Variants in FGGY observed in about 807,000 individuals in gnomAD.
FGGY encodes the protein FGGY carbohydrate kinase domain-containing protein.
In FGGY, 72 loss-of-function variants were observed where a neutral mutation model predicts 71.3. The observed-to-expected ratio is 1.01, with a 90% CI of 0.84 to 1.23. The LOEUF is 1.23. Among genes scored for constraint, FGGY ranks in the 50% most tolerant of loss-of-function variants. The probability of loss-of-function intolerance (pLI) is 0.00; values close to 1 mark genes in which losing one functional copy is unlikely to be tolerated. For synonymous variants in FGGY, 251 were observed against 250.3 expected (o/e 1.00, Z -0.02); for missense variants, 668 against 682.3 (o/e 0.98, Z 0.23).
At chr1:59,639,284 T>G (rs2096994092) in intron 11 of FGGY, among the ~76,000 whole-genome samples, 1 of 152,188 alleles carries the variant, frequency 6.6e-6, no homozygotes, top group African/African-American at 2.4e-5. Flanking sequence ...TTAGTTTTAT[T>G]GAGATTGTTT....
chr1:59,602,231 T>C (rs924438102), intron 8 of FGGY, among the ~76,000 whole-genome samples: 2 of 152,218 alleles, frequency 1.3e-5, no homozygotes, highest in East Asian at 1.9e-4. Flanking sequence ...GCCCTCCTCT[T>C]CTATTTACTA....
chr1:59,479,789 G>A lies in FGGY; in HGVS notation c.670+22713G>A, dbSNP rs182867540. Among the ~76,000 whole-genome samples, 553 of 152,240 alleles carry A rather than the reference G, an allele frequency of 3.6e-3. 4 individuals are homozygous for A. Among genetic ancestry groups the A allele is most frequent in the African/African-American group, 0.012 (514 of 41,546 alleles). On this transcript the variant is annotated intron_variant, in intron 6 of 15. Transcript: ENST00000303721. ...GTACACAGAACCCTGCTTAGGGGTC[G>A]CCATGAATTTATTATAAATCTGCCC...
chr1:59,756,466 G>A (rs2098292461), intron 14 of FGGY, among the ~76,000 whole-genome samples: 1 of 152,222 alleles, frequency 6.6e-6, no homozygotes, highest in African/African-American at 2.4e-5. Flanking sequence ...AATAACTACT[G>A]AAAGAAGTTT....
At chr1:59,460,991 A>G (rs1348005345) in intron 6 of FGGY, among the ~76,000 whole-genome samples, 2 of 152,216 alleles carry the variant, frequency 1.3e-5, no homozygotes, top group African/African-American at 2.4e-5. Flanking sequence ...TGAAAATTCT[A>G]AAAACCAGAG....
chr1:59,753,467 AATATAT>A (rs57074120), intron 14 of FGGY, among the ~76,000 whole-genome samples: 1,216 of 47,706 alleles, frequency 0.025, 12 homozygotes, highest in East Asian at 0.065. Flanking sequence ...CATAACTTTA[AATATAT>A]ATATATATAT....
rs536374650 is a variant in FGGY, at chr1:59,562,159, T to C, written c.903+7932T>C. ...CCACTCTTACAAAAGCATGTATTCA[T>C]ACAAAAATTTGTACAGTAATGTTCA... On this transcript the variant is annotated intron_variant, in intron 8 of 15. Transcript: ENST00000303721. Among the ~76,000 whole-genome samples the C allele has an allele frequency of 4.6e-5, 7 of 152,316 alleles. No homozygotes were observed. In the South Asian group the frequency reaches 1.0e-3, roughly 23 times the overall value.
chr1:59,411,804 A>G (rs939683645), intron 5 of FGGY, among the ~76,000 whole-genome samples: 4 of 152,012 alleles, frequency 2.6e-5, no homozygotes, highest in African/African-American at 7.3e-5. Context: ...TAGCTTTTCT[A>G]TCTTTCTGAC....
chr1:59,755,260 C>T (rs968823928), intron 14 of FGGY: 1 of 152,194 alleles, frequency 6.6e-6, no homozygotes, highest in Non-Finnish European at 1.5e-5. Flanking sequence ...TCCATTTTAA[C>T]ATTCCGTCAC....
intron 14 of FGGY, among the ~76,000 whole-genome samples, chr1:59,701,685 C>T (rs1458255629): frequency 2.0e-5 from 3 of 151,830 alleles, no homozygotes; most frequent in East Asian, 1.9e-4. Flanking sequence ...TAAATAAAGG[C>T]GAGTATATGT....
At chr1:59,543,369 A>C (rs2153690533) in intron 7 of FGGY, among the ~76,000 whole-genome samples, 1 of 151,770 alleles carries the variant, frequency 6.6e-6, no homozygotes, top group South Asian at 2.1e-4. Flanking sequence ...CGAGGGATAG[A>C]ATCAACATCC....
intron 5 of FGGY, among the ~76,000 whole-genome samples, chr1:59,456,637 G>C (rs533510167): frequency 1.3e-5 from 2 of 151,986 alleles, no homozygotes; most frequent in South Asian, 4.1e-4. Context: ...TAGTAGAGAC[G>C]GGGTTTGACC....
intron 4 of FGGY, among the ~76,000 whole-genome samples, chr1:59,355,341 A>G (rs2054107303): frequency 6.6e-6 from 1 of 152,214 alleles, no homozygotes; most frequent in Admixed American, 6.5e-5. Flanking sequence ...TTATAAATAC[A>G]TTTGTTTAAA....
At chr1:59,472,719 G>C (rs2093026757) in intron 6 of FGGY, among the ~76,000 whole-genome samples, 2 of 152,120 alleles carry the variant, frequency 1.3e-5, no homozygotes, top group African/African-American at 4.8e-5. Flanking sequence ...TACTCTGGTG[G>C]GGACTTGGAG....
intron 6 of FGGY, among the ~76,000 whole-genome samples, chr1:59,457,563 GA>G (rs1228002786): frequency 6.6e-6 from 1 of 152,046 alleles, no homozygotes; most frequent in Non-Finnish European, 1.5e-5. Context: ...GCAGTGAGCT[GA>G]GATCGTGCCA....
chr1:59,382,640 A>G (rs1208018697), intron 5 of FGGY, among the ~76,000 whole-genome samples: 1 of 152,160 alleles, frequency 6.6e-6, no homozygotes, highest in Non-Finnish European at 1.5e-5. Flanking sequence ...ATCTTTCTCT[A>G]GGTTTTTTCA....
chr1:59,355,775 C>T (rs2054200973), intron 4 of FGGY, among the ~76,000 whole-genome samples: 1 of 152,014 alleles, frequency 6.6e-6, no homozygotes. Flanking sequence ...TCCAGTCTGC[C>T]TCCAGCTCCT....
intron 14 of FGGY, among the ~76,000 whole-genome samples, chr1:59,734,355 G>A (rs373056211): frequency 2.7e-4 from 41 of 152,118 alleles, no homozygotes; most frequent in South Asian, 6.2e-4. Flanking sequence ...GGCGTGCACC[G>A]CCACACCCAG....
intron 6 of FGGY, among the ~76,000 whole-genome samples, chr1:59,491,387 T>C (rs1447891956): frequency 1.3e-5 from 2 of 151,874 alleles, no homozygotes; most frequent in Non-Finnish European, 2.9e-5. Flanking sequence ...TTTATCCTCT[T>C]TAGTTTCTCT....
chr1:59,587,098 G>A (rs1482010703), intron 8 of FGGY, among the ~76,000 whole-genome samples: 1 of 152,212 alleles, frequency 6.6e-6, no homozygotes, highest in East Asian at 1.9e-4. Context: ...CCCTAATACT[G>A]TGCTTTTCCA....
Sources: gnomAD v4.1 joint callset for allele counts (sites outside exome capture counted in the v4.1 genomes callset) on GRCh38, gnomAD v4.1.1 for gene constraint, MANE v1.5 for transcripts, NCBI Gene and HGNC (gene_info 2026-07-23, HGNC 2026-07-21) for gene names.